The following FHIP2A variants were observed in gnomAD, a reference collection of about 807,000 sequenced individuals.
The protein encoded by FHIP2A is family with sequence similarity 160 member B1.
FHIP2A carries 46 observed loss-of-function variants against 93.5 expected under a neutral mutation model. That is an observed-to-expected ratio of 0.49 (90% CI 0.39 to 0.63). The LOEUF (loss-of-function observed/expected upper bound fraction) is 0.63, where lower values mean the gene tolerates loss of function less well. Ranked by LOEUF, FHIP2A falls within the 20% of genes least tolerant of loss-of-function variation. The pLI is 0.00. For missense variants in FHIP2A, 769 were observed against 909.7 expected, an observed-to-expected ratio of 0.85 and a Z score of 1.99; for synonymous variants, 332 against 326.5, an observed-to-expected ratio of 1.02 and a Z score of -0.18.
chr10:114,883,199 A>C (rs2083925605), intron 16 of FHIP2A, among the ~76,000 whole-genome samples: 1 of 152,228 alleles, frequency 6.6e-6, no homozygotes, highest in South Asian at 2.1e-4. Flanking sequence ...AACATGGAAT[A>C]GCAGGACCTT....
At chr10:114,835,769 C>T in intron 4 of FHIP2A, 128 bp downstream of exon 4, 2 of 596,494 alleles carry the variant, frequency 3.4e-6, no homozygotes, top group East Asian at 2.8e-5. Context: ...TTAGCAAATA[C>T]TTGAGCTTTC....
chr10:114,871,026 A>G (rs1054043067), intron 16 of FHIP2A, among the ~76,000 whole-genome samples: 3 of 151,168 alleles, frequency 2.0e-5, no homozygotes, highest in African/African-American at 7.3e-5. Context: ...CCACATATAT[A>G]TATATATACA....
intron 16 of FHIP2A, among the ~76,000 whole-genome samples, chr10:114,894,992 T>C (rs1405878176): frequency 1.3e-5 from 2 of 152,224 alleles, no homozygotes; most frequent in Non-Finnish European, 2.9e-5. Context: ...CACTGTAGCC[T>C]GCTGTTCTCC....
intron 12 of FHIP2A, among the ~76,000 whole-genome samples, chr10:114,847,615 C>T (rs1299524220): frequency 1.3e-5 from 2 of 152,136 alleles, no homozygotes; most frequent in African/African-American, 4.8e-5. Flanking sequence ...ACTTGATCTT[C>T]TTTAAAGATT....
At chr10:114,840,064 G>A (rs2083660433) in intron 5 of FHIP2A, among the ~76,000 whole-genome samples, 1 of 151,848 alleles carries the variant, frequency 6.6e-6, no homozygotes, top group African/African-American at 2.4e-5. Context: ...TCAGCTCTAG[G>A]TCATCAAGAA....
chr10:114,843,115 G>C lies in FHIP2A; in HGVS notation c.705G>C (p.Leu235=). The C allele has an allele frequency of 6.2e-7, 1 of 1,614,042 alleles. No individual in the cohort carries two copies. Among genetic ancestry groups the C allele is most frequent in the Non-Finnish European group, 8.5e-7 (1 of 1,179,956 alleles). ...EDEPPHQMDH[L]STSLDNLSVT... ...AGCCTCCTCATCAGATGGATCACCT[G>C]TCCACAAGCTTGGATAACCTCAGTG... is the stretch of plus-strand genomic sequence containing the variant. The change falls in exon 6 of 17, where the codon CTG becomes CTC. Residue 235 remains leucine (L), a synonymous_variant. Coordinates refer to ENST00000369248, the MANE Select transcript of FHIP2A (RefSeq NM_020940.4).
chr10:114,846,963 A>G, intron 11 of FHIP2A, 127 bp from the exon 12 acceptor site: 3 of 902,576 alleles, frequency 3.3e-6, no homozygotes, highest in South Asian at 1.8e-5. Flanking sequence ...GAAAATATAC[A>G]TAATTCCTTA....
chr10:114,841,982 A>G (rs2083671485), intron 5 of FHIP2A, among the ~76,000 whole-genome samples: 1 of 152,184 alleles, frequency 6.6e-6, no homozygotes, highest in Admixed American at 6.5e-5. Flanking sequence ...GGGAGGGAGC[A>G]CCAGCATTTC....
At chr10:114,879,043 T>C (rs1026935330) in intron 16 of FHIP2A, among the ~76,000 whole-genome samples, 3 of 152,224 alleles carry the variant, frequency 2.0e-5, no homozygotes, top group Non-Finnish European at 4.4e-5. Context: ...TGTGCCAGGC[T>C]TATTATTTAA....
intron 16 of FHIP2A, among the ~76,000 whole-genome samples, chr10:114,889,526 G>GGTC (rs964698487): frequency 6.6e-6 from 1 of 152,080 alleles, no homozygotes; most frequent in African/African-American, 2.4e-5. Context: ...GCCCCTTGTT[G>GGTC]GTCAACACCC....
At chr10:114,892,746 C>T (rs1421442189) in intron 16 of FHIP2A, among the ~76,000 whole-genome samples, 1 of 151,938 alleles carries the variant, frequency 6.6e-6, no homozygotes, top group Non-Finnish European at 1.5e-5. Context: ...AACAGAAAAT[C>T]GTTAAAGGAA....
chr10:114,847,840 G>A (rs1251621235), intron 12 of FHIP2A, among the ~76,000 whole-genome samples: 2 of 149,488 alleles, frequency 1.3e-5, no homozygotes, highest in East Asian at 2.0e-4. Flanking sequence ...TCCGTCTCCC[G>A]GGTTCAAGCG....
At chr10:114,865,453 C>T (rs1295922551), downstream of FHIP2A, among the ~76,000 whole-genome samples, 2 of 152,204 alleles carry the variant, frequency 1.3e-5, no homozygotes, top group Non-Finnish European at 2.9e-5. Flanking sequence ...ATACACAGCA[C>T]AGCCAGAAAG....
In FHIP2A at chr10:114,833,101, A is replaced by G. The variant is rs565082961; in HGVS notation, c.125-132A>G. On this transcript the variant is annotated intron_variant, in intron 2 of 16. Coordinates refer to ENST00000369248, the MANE Select transcript of FHIP2A (RefSeq NM_020940.4). ...TAGCAGAGATAATCATACTGTGTTT[A>G]TAAACCTCACTTAAGTGTGTAGTTC... 1.7e-5 allele frequency: 11 copies of G among 651,252 alleles called. No individual in the cohort carries two copies. The African/African-American group carries it at 2.0e-4, about 12-fold the overall frequency. 40.3% of individuals were successfully genotyped at this position (651,252 alleles called of 1,614,324 possible).
At chr10:114,831,654 G>A (rs1431248087) in intron 2 of FHIP2A, among the ~76,000 whole-genome samples, 1 of 152,208 alleles carries the variant, frequency 6.6e-6, no homozygotes, top group African/African-American at 2.4e-5. Flanking sequence ...AATATGAAAT[G>A]AGACATAACA....
At position 114,846,334 on chromosome 10, in the gene FHIP2A, G is replaced by A. The variant is rs769100051; in HGVS notation, c.1365G>A (p.Arg455=). ...AEISRHPLRH[R]LIEHCDHISD... ...TCAGCAGACATCCTTTAAGGCATAGGTTAATTGAACATTGTGATCACATAT... is the reference window on the plus strand; with the variant it reads ...TCAGCAGACATCCTTTAAGGCATAGATTAATTGAACATTGTGATCACATAT... The change falls in exon 10 of 17, where the codon AGG becomes AGA. Residue 455 remains arginine (R), a synonymous_variant. Coordinates refer to ENST00000369248, the MANE Select transcript of FHIP2A (RefSeq NM_020940.4). 1 of 1,614,126 alleles carries A rather than the reference G, an allele frequency of 6.2e-7. No homozygotes were observed. The highest frequency in any genetic ancestry group is 1.7e-5 in the Admixed American group (1 of 60,010).
intron 13 of FHIP2A, among the ~76,000 whole-genome samples, chr10:114,854,441 G>A (rs938365829): frequency 4.0e-5 from 6 of 151,710 alleles, no homozygotes; most frequent in South Asian, 2.1e-4. Context: ...GTGGTGAGCC[G>A]AGATTGTGCC....
chr10:114,876,364 G>T (rs953958869), intron 16 of FHIP2A, among the ~76,000 whole-genome samples: 3 of 152,104 alleles, frequency 2.0e-5, no homozygotes, highest in Non-Finnish European at 4.4e-5. Flanking sequence ...CCCCCTCATC[G>T]CCCGCAACAG....
At chr10:114,839,340 T>G (rs2083654517) in intron 5 of FHIP2A, among the ~76,000 whole-genome samples, 1 of 152,036 alleles carries the variant, frequency 6.6e-6, no homozygotes, top group African/African-American at 2.4e-5. Context: ...TTGGCCAGGC[T>G]GGTCTCAAAC....
Sources: allele counts gnomAD v4.1 joint callset (sites outside exome capture counted in the v4.1 genomes callset), GRCh38; gene constraint gnomAD v4.1.1; transcripts MANE v1.5; gene names NCBI Gene and HGNC (gene_info 2026-07-23, HGNC 2026-07-21).